ADSS2: variants seen among roughly 807,000 people sequenced by gnomAD.
ADSS2 encodes the protein adenylosuccinate synthetase isozyme 2.
A neutral mutation model predicts 60.0 loss-of-function variants in ADSS2; 30 were observed. The ratio of observed to expected loss-of-function variants is 0.50; its 90% CI spans 0.37 to 0.68. ADSS2 has a LOEUF of 0.68. Among genes scored for constraint, ADSS2 ranks in the 30% least tolerant of loss-of-function variants. ADSS2 has a pLI of 0.00. For synonymous variants in ADSS2, 187 were observed against 193.1 expected (o/e 0.97, Z 0.26); for missense variants, 373 against 554.8 (o/e 0.67, Z 3.29).
chr1:244,436,592 T>C (rs1370335248), intron 3 of ADSS2, among the ~76,000 whole-genome samples: 2 of 152,220 alleles, frequency 1.3e-5, no homozygotes, highest in Non-Finnish European at 2.9e-5. Flanking sequence ...AGATAAAGTT[T>C]GTAGATGACT....
chr1:244,449,252 A>G (rs532198426), intron 1 of ADSS2, among the ~76,000 whole-genome samples: 11 of 152,242 alleles, frequency 7.2e-5, no homozygotes, highest in Admixed American at 2.0e-4. Flanking sequence ...TTTTAAAACT[A>G]TATTTTATGT....
intron 1 of ADSS2, among the ~76,000 whole-genome samples, chr1:244,443,253 A>C (rs1665292712): frequency 6.6e-6 from 1 of 152,234 alleles, no homozygotes; most frequent in Non-Finnish European, 1.5e-5. Flanking sequence ...TATCTCCCAC[A>C]AATGTATTAG....
intron 12 of ADSS2, 145 bp from the exon 13 acceptor site, chr1:244,409,783 C>A: frequency 1.6e-6 from 1 of 643,244 alleles, no homozygotes; most frequent in Admixed American, 2.8e-5. Flanking sequence ...ATTCTGTTAG[C>A]AGACTGTGCC....
At chr1:244,417,500 C>T (rs1322937153) in intron 10 of ADSS2, 128 bp downstream of exon 10, 28 of 1,167,558 alleles carry the variant, frequency 2.4e-5, no homozygotes, top group Non-Finnish European at 3.2e-5. Flanking sequence ...CTACTTCTGC[C>T]TGGCACTACA....
chr1:244,445,044 G>A (rs1425248473), intron 1 of ADSS2, among the ~76,000 whole-genome samples: 2 of 152,048 alleles, frequency 1.3e-5, no homozygotes, highest in Non-Finnish European at 2.9e-5. Context: ...CCTCTCCCTT[G>A]GGAATCTGAA....
intron 1 of ADSS2, among the ~76,000 whole-genome samples, chr1:244,441,090 GCT>G (rs1382430816): frequency 3.6e-5 from 5 of 138,754 alleles, no homozygotes; most frequent in African/African-American, 1.4e-4. Flanking sequence ...ACAGAGTCTT[GCT>G]CTGTCTCCCA....
intron 1 of ADSS2, among the ~76,000 whole-genome samples, chr1:244,439,610 G>A (rs754728534): frequency 1.3e-5 from 2 of 152,128 alleles, no homozygotes; most frequent in Non-Finnish European, 2.9e-5. Context: ...TGCTGCCTGC[G>A]GTTGGGGGAA....
chr1:244,448,522 T>A (rs1031912564), intron 1 of ADSS2, among the ~76,000 whole-genome samples: 1 of 152,204 alleles, frequency 6.6e-6, no homozygotes, highest in Non-Finnish European at 1.5e-5. Flanking sequence ...CCTTTCCCGA[T>A]CACAGGCAAC....
intron 1 of ADSS2, among the ~76,000 whole-genome samples, chr1:244,446,508 AC>A: frequency 6.6e-6 from 1 of 152,356 alleles, no homozygotes; most frequent in African/African-American, 2.4e-5. Context: ...TATCCACTTT[AC>A]TTTGCATGAT....
At position 244,451,670 on chromosome 1, in the gene ADSS2, G is replaced by A. The variant is rs930541351; in HGVS notation, c.148C>T (p.Leu50=). ...DEGKGKVVDL[L]AQDADIVCRC... ...CACACGATGTCGGCGTCCTGCGCCA[G>A]CAGGTCCACCACCTTCCCTTTGCCT... is the stretch of plus-strand genomic sequence containing the variant. Residue 50 remains leucine, a synonymous_variant, in exon 1 of 13, where the codon CTG becomes TTG. Coordinates refer to ENST00000366535, the MANE Select transcript of ADSS2 (RefSeq NM_001126.5). This position sits in a 1 kb window ranked among gnomAD's most constrained non-coding sequence, Gnocchi z 6.6. 29 of 1,611,446 alleles carry A rather than the reference G, an allele frequency of 1.8e-5. No homozygotes were observed. Among genetic ancestry groups the A allele is most frequent in the Non-Finnish European group, 2.5e-5 (29 of 1,178,632 alleles).
chr1:244,416,057 A>G lies in ADSS2; in HGVS notation c.1092T>C (p.Asp364=). The change falls in exon 11 of 13, where the codon GAT becomes GAC. Residue 364 remains aspartate (D), a synonymous_variant. Transcript: ENST00000366535. ...TGATTTCCGTAAACATGTCCAAAAT[A>G]TCCAACTTGGTAAGTGCCAACCTAA... ...GFTALALTKL[D]ILDMFTEIKV... 6.2e-7 allele frequency: 1 copy of G among 1,613,748 alleles called. No individual in the cohort carries two copies. The highest frequency in any genetic ancestry group is 2.2e-5 in the East Asian group (1 of 44,836).
intron 1 of ADSS2, among the ~76,000 whole-genome samples, chr1:244,448,255 T>C (rs985091318): frequency 1.3e-5 from 2 of 152,220 alleles, no homozygotes; most frequent in Non-Finnish European, 2.9e-5. Context: ...CTTTTCTATT[T>C]CAAGGAGAAA....
At chr1:244,416,211 G>T in intron 10 of ADSS2, 133 bp from the exon 11 acceptor site, 1 of 639,326 alleles carries the variant, frequency 1.6e-6, no homozygotes, top group Non-Finnish European at 2.7e-6. Flanking sequence ...AAACTGGTTA[G>T]GATTATATTT....
intron 10 of ADSS2, 104 bp downstream of exon 10, chr1:244,417,524 G>T: frequency 1.4e-6 from 2 of 1,384,464 alleles, no homozygotes; most frequent in Admixed American, 2.0e-5. Context: ...TCAATATGGA[G>T]TCTAAAGAGT....
intron 1 of ADSS2, among the ~76,000 whole-genome samples, chr1:244,438,962 T>C (rs933063082): frequency 6.6e-6 from 1 of 152,214 alleles, no homozygotes; most frequent in African/African-American, 2.4e-5. Flanking sequence ...TCCCCTGTTG[T>C]GCTGTCAAAT....
intron 8 of ADSS2, 58 bp from the exon 9 acceptor site, chr1:244,418,972 C>T (rs989412929): frequency 4.9e-6 from 7 of 1,418,246 alleles, no homozygotes; most frequent in Non-Finnish European, 4.8e-6. Flanking sequence ...CATTTTAAAA[C>T]AGAATTACCG....
rs999426115 is a variant in ADSS2, at chr1:244,409,166, T to A, written c.*420A>T. The stretch of plus-strand genomic sequence containing the variant: ...CAAAGATTACAATGACAGAACTGAA[T>A]GATCAGAATGTAAAAATATTTGTGC... On this transcript the variant is annotated 3_prime_UTR_variant, in exon 13 of 13. Coordinates refer to ENST00000366535, the MANE Select transcript of ADSS2 (RefSeq NM_001126.5). 1 of 154,256 alleles carries A rather than the reference T, an allele frequency of 6.5e-6. No homozygotes were observed. Among genetic ancestry groups the A allele is most frequent in the African/African-American group, 2.4e-5 (1 of 41,522 alleles). 9.6% of individuals were successfully genotyped at this position (154,256 alleles called of 1,614,324 possible).
In ADSS2 at chr1:244,432,559, T is replaced by C; in HGVS notation, c.392A>G (p.Asp131Gly). Residue 131 changes from aspartate (D) to glycine (G), a missense_variant, in exon 4 of 13, where the codon GAC (aspartate) becomes GGC (glycine). By Grantham distance (94) the Asp-to-Gly change is moderately conservative. Around this residue, in one of 5 missense-constraint regions of ADSS2, gnomAD observed 139 missense variants for 189.4 expected, o/e 0.73. Transcript: ENST00000366535. The stretch of plus-strand genomic sequence containing the variant: ...ATCCACCTTACCAATATGAGCTCTG[T>C]CAGATATAATAAGCCTTTTTTCCCA... ...EGWEKRLIIS[D>G]RAHIVFDFHQ... The C allele has an allele frequency of 6.3e-7, 1 of 1,579,180 alleles. No individual in the cohort carries two copies. Among genetic ancestry groups the C allele is most frequent in the Non-Finnish European group, 8.6e-7 (1 of 1,160,724 alleles).
At chr1:244,421,175 T>C (rs1206151029) in intron 7 of ADSS2, among the ~76,000 whole-genome samples, 1 of 150,780 alleles carries the variant, frequency 6.6e-6, no homozygotes, top group Non-Finnish European at 1.5e-5. Context: ...TAATGTCCAA[T>C]ACTATGTAAC....
Sources: gnomAD v4.1 joint callset for allele counts (sites outside exome capture counted in the v4.1 genomes callset) on GRCh38, gnomAD v4.1.1 for gene constraint, gnomAD v4.1.1 regional missense constraint, Gnocchi (gnomAD v3.1) non-coding constraint, MANE v1.5 for transcripts, NCBI Gene and HGNC (gene_info 2026-07-23, HGNC 2026-07-21) for gene names.